The following DDX5 variants were observed in gnomAD, a reference collection of about 807,000 sequenced individuals.
DDX5 encodes the protein probable ATP-dependent RNA helicase DDX5.
Under a neutral mutation model 68.6 loss-of-function variants are expected in DDX5, and 6 were observed. That is an observed-to-expected ratio of 0.09 (90% CI 0.05 to 0.17). The LOEUF is 0.17. DDX5 is among the 10% of genes least tolerant of loss of function. DDX5 has a pLI of 1.00. For missense variants in DDX5, 499 were observed against 756.1 expected (o/e 0.66, Z 3.99); for synonymous variants, 350 against 247.0 (o/e 1.42, Z -3.91).
rs781826709 is a variant in DDX5, at chr17:64,503,880, G to GA, written c.442-13dup. ...GCAGGAAGCAAATACTATTTAGGGT[G>GA]AAAGTGGGGACAAACAGAAATCACA... On this transcript the variant is annotated splice_polypyrimidine_tract_variant and intron_variant, in intron 4 of 12. Coordinates refer to ENST00000225792, the MANE Select transcript of DDX5 (RefSeq NM_004396.5). 2.5e-6 allele frequency: 4 copies of GA among 1,614,010 alleles called. No homozygotes were observed. The highest frequency in any genetic ancestry group is 1.3e-5 in the African/African-American group (1 of 74,928).
intron 11 of DDX5, 174 bp from the exon 12 acceptor site, chr17:64,500,947 GAAA>G (rs541073111): frequency 1.7e-6 from 1 of 601,382 alleles, no homozygotes; most frequent in South Asian, 2.0e-5. Flanking sequence ...GTTGAAAAAA[GAAA>G]AAAAAGCACA....
upstream of DDX5, chr17:64,506,757 G>C: frequency 2.0e-6 from 1 of 498,104 alleles, no homozygotes; most frequent in South Asian, 2.2e-5. Context: ...TAGCTCACCG[G>C]AAGTGCGCTG....
rs1430548757 is a variant in DDX5 at position 64,502,794 on chromosome 17, T to G, written c.983+132A>C. 4 of 954,248 alleles carry G rather than the reference T, an allele frequency of 4.2e-6. No individual in the cohort carries two copies. In the African/African-American group the frequency reaches 6.6e-5, roughly 16 times the overall value. 59.1% of individuals were successfully genotyped at this position (954,248 alleles called of 1,614,324 possible). A position where few individuals can be genotyped will look rare whatever the true frequency, so the allele number is the denominator to read the frequency against. On this transcript the variant is annotated intron_variant, in intron 8 of 12. Transcript: ENST00000225792. ...CATTATTTGAAGGATTCAAGAAATT[T>G]TCAGGATTAGTAGGCTAACTAAATG...
intron 1 of DDX5, chr17:64,505,342 A>T: frequency 2.5e-6 from 1 of 398,652 alleles, no homozygotes. Context: ...CACTTCTGCT[A>T]GCAAACCCAG....
At position 64,502,000 on chromosome 17, in the gene DDX5, T is replaced by A. The variant is rs1393069233; in HGVS notation, c.1216+10A>T. On this transcript the variant is annotated intron_variant, in intron 11 of 12. Coordinates refer to ENST00000225792, the MANE Select transcript of DDX5 (RefSeq NM_004396.5). ...GGGAAACCAAGCCATGAATGCGAGT[T>A]TGTACTAACCTAGCCCTCTGGAGGC... 6.2e-6 allele frequency: 10 copies of A among 1,613,364 alleles called. No individual in the cohort carries two copies. In the Admixed American group the frequency reaches 1.5e-4, roughly 24 times the overall value.
Position 64,505,720 on chromosome 17 carries a change from CA to C in DDX5, c.44+355del, listed in dbSNP as rs1234007328. 19 of 1,535,722 alleles carry C rather than the reference CA, an allele frequency of 1.2e-5. No homozygotes were observed. In the African/African-American group the frequency reaches 1.8e-4, roughly 14 times the overall value. On this transcript the variant is annotated intron_variant, in intron 1 of 12. Coordinates refer to ENST00000225792, the MANE Select transcript of DDX5 (RefSeq NM_004396.5). Reference sequence around the variant, plus strand: ...GCTCCCACAGAATGCCCGGCCACCCCAAAAACACCTCCCGAAACGCCGCACC... The same window carrying C: ...GCTCCCACAGAATGCCCGGCCACCCCAAAACACCTCCCGAAACGCCGCACC...
upstream of DDX5, chr17:64,506,592 G>C (rs1287309994): frequency 1.8e-5 from 7 of 396,932 alleles, no homozygotes; most frequent in Non-Finnish European, 3.2e-5. Flanking sequence ...TCGCCACTCG[G>C]AGATGTTTAC....
intron 1 of DDX5, chr17:64,505,296 C>A (rs2144276967): frequency 3.0e-6 from 1 of 331,224 alleles, no homozygotes; most frequent in Admixed American, 4.5e-5. Flanking sequence ...CTAAACAGTA[C>A]AGTCAGCGAT....
chr17:64,504,361 C>A (rs373668042), intron 2 of DDX5, 43 bp from the exon 3 acceptor site: 14 of 1,512,776 alleles, frequency 9.3e-6, no homozygotes, highest in South Asian at 2.3e-5. Context: ...ATGACAACCA[C>A]CCCTAGCTAA....
chr17:64,500,617 G>A lies in DDX5; in HGVS notation c.1373C>T (p.Ser458Phe). The change falls in exon 12 of 13, where the codon TCT becomes TTT. Residue 458 changes from serine to phenylalanine, a missense_variant. Transcript: ENST00000225792. ...NNIKQVSDLISVLREANQAIN... is the reference protein window; with the variant it reads ...NNIKQVSDLIFVLREANQAIN... ...TGCTTGATTAGCTTCACGAAGCACA[G>A]AGATAAGGTCGCTCACTTGCTTTAT... The A allele has an allele frequency of 1.2e-6, 2 of 1,614,226 alleles. No homozygotes were observed. The highest frequency in any genetic ancestry group is 1.7e-6 in the Non-Finnish European group (2 of 1,180,044).
In DDX5 at chr17:64,503,112, G is replaced by A. The variant is rs367741437; in HGVS notation, c.811-14C>T. Reference sequence around the variant, plus strand: ...TTGCCTATCAGGCTAATGGATTTTGGGGGGAAAAATTAGTATCAGACTCTT... The same window carrying A: ...TTGCCTATCAGGCTAATGGATTTTGAGGGGAAAAATTAGTATCAGACTCTT... On this transcript the variant is annotated splice_polypyrimidine_tract_variant and intron_variant, in intron 7 of 12. Coordinates refer to ENST00000225792, the MANE Select transcript of DDX5 (RefSeq NM_004396.5). 9.9e-6 allele frequency: 16 copies of A among 1,611,446 alleles called. No individual in the cohort carries two copies. In the South Asian group the frequency reaches 1.5e-4, roughly 16 times the overall value.
rs782058967 is a variant in DDX5 at position 64,500,004 on chromosome 17, C to A, written c.1764G>T (p.Met588Ile). The A allele has an allele frequency of 6.2e-7, 1 of 1,614,174 alleles. No homozygotes were observed. Among genetic ancestry groups the A allele is most frequent in the South Asian group, 1.1e-5 (1 of 91,080 alleles). Reference protein sequence around the residue: ...GSNVPNMHNGMNQQAYAYPAT... With the variant: ...GSNVPNMHNGINQQAYAYPAT... Reference sequence around the variant, plus strand: ...CAGGATATGCATATGCCTGTTGGTTCATACCATTGTGCATATTTGGAACAT... The same window carrying A: ...CAGGATATGCATATGCCTGTTGGTTAATACCATTGTGCATATTTGGAACAT... Residue 588 changes from methionine (M) to isoleucine (I), a missense_variant, in exon 13 of 13, where the codon ATG becomes ATT. Physicochemically the swap from Met to Ile is conservative, Grantham distance 10. Transcript: ENST00000225792.
rs201190955 is a variant in DDX5 at position 64,502,081 on chromosome 17, G to A, written c.1157-12C>T. On this transcript the variant is annotated splice_polypyrimidine_tract_variant and intron_variant, in intron 10 of 12. Coordinates refer to ENST00000225792, the MANE Select transcript of DDX5 (RefSeq NM_004396.5). ...TCCATGTTTGAATTCTACAAAGGAA[G>A]GCATATACATGATCAATTATCTGAG... is the stretch of plus-strand genomic sequence containing the variant. 8.1e-6 allele frequency: 13 copies of A among 1,613,956 alleles called. No individual in the cohort carries two copies. The South Asian group carries it at 8.8e-5, about 11-fold the overall frequency.
At position 64,502,539 on chromosome 17, in the gene DDX5, G is replaced by A. The variant is rs1555671302; in HGVS notation, c.994C>T (p.Leu332=). The change falls in exon 9 of 13, where the codon CTA becomes TTA. Residue 332 remains leucine, a synonymous_variant. Transcript: ENST00000225792. The stretch of plus-strand genomic sequence containing the variant: ...TTCTCACTCATGATCTCTTCCATTA[G>A]ACGAATAAGTCTAATAATAGGAGAG... The part of the protein sequence containing the change: ...DVEKDEKLIR[L]MEEIMSEKEN... 5.0e-6 allele frequency: 8 copies of A among 1,609,228 alleles called. No individual in the cohort carries two copies. The highest frequency in any genetic ancestry group is 2.2e-5 in the East Asian group (1 of 44,886).
upstream of DDX5, chr17:64,506,420 G>C: frequency 7.3e-7 from 1 of 1,378,990 alleles, no homozygotes; most frequent in South Asian, 1.5e-5. Flanking sequence ...TGGCGTTCCA[G>C]GATCGCCGCG....
chr17:64,502,677 A>T (rs2038328738), intron 8 of DDX5, 128 bp from the exon 9 acceptor site: 1 of 766,458 alleles, frequency 1.3e-6, no homozygotes, highest in South Asian at 1.8e-5. Context: ...AACGCCTGCT[A>T]ATCCACTTAT....
chr17:64,506,212 G>A lies in DDX5; in HGVS notation c.-93C>T, dbSNP rs1854781213. On this transcript the variant is annotated 5_prime_UTR_variant, in exon 1 of 13. Transcript: ENST00000225792. ...GGCCTCGATGACGGCGAAGCCTTGCGGGGGCGGCAGCGGAGGAAGGACACC... is the reference window on the plus strand; with the variant it reads ...GGCCTCGATGACGGCGAAGCCTTGCAGGGGCGGCAGCGGAGGAAGGACACC... 3.8e-6 allele frequency: 6 copies of A among 1,561,980 alleles called. No homozygotes were observed. The highest frequency in any genetic ancestry group is 1.9e-5 in the Admixed American group (1 of 51,784).
rs1323129283 is a variant in DDX5 at position 64,499,534 on chromosome 17, A to C, written c.*389T>G. The C allele has an allele frequency of 2.7e-5, 6 of 222,424 alleles. No individual in the cohort carries two copies. The East Asian group carries it at 3.2e-4, about 12-fold the overall frequency. The allele number at this position is 222,424 out of a possible 1,614,324, so 13.8% of individuals were successfully genotyped here. A position where few individuals can be genotyped will look rare whatever the true frequency, so the allele number is the denominator to read the frequency against. On this transcript the variant is annotated 3_prime_UTR_variant, in exon 13 of 13. Transcript: ENST00000225792. Reference sequence around the variant, plus strand: ...TCATTTGTTTTCATGGAAAAAAAAAACCAAACAAAAACAAAAAAAAAACCA... The same window carrying C: ...TCATTTGTTTTCATGGAAAAAAAAACCCAAACAAAAACAAAAAAAAAACCA...
chr17:64,505,906 T>C (rs1598157921), intron 1 of DDX5, 170 bp downstream of exon 1: 1 of 1,534,840 alleles, frequency 6.5e-7, no homozygotes, highest in African/African-American at 1.4e-5. Flanking sequence ...TCAAATCTCT[T>C]CCAATCACTG....
Sources: gnomAD v4.1 joint callset for allele counts on GRCh38, gnomAD v4.1.1 for gene constraint, MANE v1.5 for transcripts, NCBI Gene and HGNC (gene_info 2026-07-23, HGNC 2026-07-21) for gene names.